EFNA5: variants seen among roughly 807,000 people sequenced by gnomAD.
The protein encoded by EFNA5 is ephrin-A5.
A neutral mutation model predicts 22.9 loss-of-function variants in EFNA5; 5 were observed. That is an observed-to-expected ratio of 0.22 (90% CI 0.11 to 0.46). The LOEUF is 0.46. Ranked by LOEUF, EFNA5 falls within the 20% of genes least tolerant of loss-of-function variation. The probability of loss-of-function intolerance (pLI) is 0.99; values close to 1 mark genes in which losing one functional copy is unlikely to be tolerated. For missense variants in EFNA5, 237 were observed against 293.3 expected (o/e 0.81, Z 1.40); for synonymous variants, 113 against 112.2 (o/e 1.01, Z -0.04).
At chr5:107,468,068 G>A (rs1561399398) in intron 1 of EFNA5, among the ~76,000 whole-genome samples, 1 of 152,118 alleles carries the variant, frequency 6.6e-6, no homozygotes, top group Non-Finnish European at 1.5e-5. Context: ...CATCTTGGTA[G>A]AACGGATAGC....
At position 107,489,129 on chromosome 5, in the gene EFNA5, C is replaced by A. The variant is rs1746728643; in HGVS notation, c.126-61620G>T. Among the ~76,000 whole-genome samples the A allele has an allele frequency of 2.0e-5, 3 of 152,136 alleles. No individual in the cohort carries two copies. In the South Asian group the frequency reaches 6.2e-4, roughly 32 times the overall value. On this transcript the variant is annotated intron_variant, in intron 1 of 4. Transcript: ENST00000333274. Reference sequence around the variant, plus strand: ...AATAAGTTAACTATTACCATCATTACAATATTTCATTTAATCTATTGCAAA... The same window carrying A: ...AATAAGTTAACTATTACCATCATTAAAATATTTCATTTAATCTATTGCAAA...
intron 2 of EFNA5, among the ~76,000 whole-genome samples, chr5:107,406,587 T>A (rs966369673): frequency 4.6e-5 from 7 of 151,884 alleles, no homozygotes; most frequent in Admixed American, 2.0e-4. Context: ...TAAGTATGTT[T>A]TATATATATA....
intron 2 of EFNA5, among the ~76,000 whole-genome samples, chr5:107,398,823 C>A (rs1344029556): frequency 6.9e-6 from 1 of 145,694 alleles, no homozygotes; most frequent in Admixed American, 7.0e-5. Context: ...CCACTGCACT[C>A]CAGCCTGGGT....
chr5:107,480,851 G>A (rs2112398712), intron 1 of EFNA5, among the ~76,000 whole-genome samples: 1 of 152,308 alleles, frequency 6.6e-6, no homozygotes, highest in East Asian at 1.9e-4. Context: ...GTCTCAAAGG[G>A]TGGGTGACTG....
intron 1 of EFNA5, among the ~76,000 whole-genome samples, chr5:107,501,785 C>T (rs377071864): frequency 3.3e-5 from 5 of 151,976 alleles, no homozygotes; most frequent in Admixed American, 6.6e-5. Context: ...TGATTTTGTA[C>T]GTGAAAAGAT....
At chr5:107,494,405 G>C (rs1185633762) in intron 1 of EFNA5, among the ~76,000 whole-genome samples, 2 of 152,244 alleles carry the variant, frequency 1.3e-5, no homozygotes, top group African/African-American at 4.8e-5. Flanking sequence ...GCTGCGGAGG[G>C]TGTACTGGGT....
At chr5:107,589,716 G>C (rs1305011916) in intron 1 of EFNA5, among the ~76,000 whole-genome samples, 5 of 152,128 alleles carry the variant, frequency 3.3e-5, no homozygotes, top group African/African-American at 1.2e-4. Flanking sequence ...GCCAGAGACA[G>C]CATCCTTTAA....
chr5:107,522,880 T>C (rs1747625144), intron 1 of EFNA5, among the ~76,000 whole-genome samples: 1 of 152,234 alleles, frequency 6.6e-6, no homozygotes, highest in African/African-American at 2.4e-5. Flanking sequence ...GTTACTTGAA[T>C]AAAGGCTGTC....
At chr5:107,609,288 A>T (rs1749781196) in intron 1 of EFNA5, among the ~76,000 whole-genome samples, 1 of 152,212 alleles carries the variant, frequency 6.6e-6, no homozygotes, top group Non-Finnish European at 1.5e-5. Context: ...AAACAAAAGC[A>T]ATGAGAATTT....
rs948397308 is a variant in EFNA5 at position 107,383,004 on chromosome 5, G to A, written c.566-1628C>T. On this transcript the variant is annotated intron_variant, in intron 4 of 4. Coordinates refer to ENST00000333274, the MANE Select transcript of EFNA5 (RefSeq NM_001962.3). ...TCCTTCACTGGGTAGAATCACACTC[G>A]CTAATATTTGTCCTAAAGTAACCAC... Among the ~76,000 whole-genome samples the A allele has an allele frequency of 6.6e-5, 10 of 152,226 alleles. No homozygotes were observed. In the South Asian group the frequency reaches 1.0e-3, roughly 16 times the overall value.
intron 1 of EFNA5, among the ~76,000 whole-genome samples, chr5:107,604,640 A>T (rs1749674543): frequency 6.6e-6 from 1 of 152,206 alleles, no homozygotes; most frequent in Non-Finnish European, 1.5e-5. Context: ...TCATAATGCA[A>T]GTTGCAACCC....
chr5:107,421,032 A>G (rs1435677155), intron 2 of EFNA5, among the ~76,000 whole-genome samples: 1 of 152,198 alleles, frequency 6.6e-6, no homozygotes, highest in East Asian at 1.9e-4. Context: ...ATATTCTTAT[A>G]CTTTTAAAAG....
chr5:107,650,468 G>T (rs1008291125), intron 1 of EFNA5, among the ~76,000 whole-genome samples: 1 of 152,160 alleles, frequency 6.6e-6, no homozygotes, highest in African/African-American at 2.4e-5. Context: ...AAACTAAGAT[G>T]AAAGTGAGGG....
intron 1 of EFNA5, among the ~76,000 whole-genome samples, chr5:107,585,434 C>G (rs904931552): frequency 2.0e-5 from 3 of 152,164 alleles, no homozygotes; most frequent in East Asian, 1.9e-4. Flanking sequence ...GTTTGGGGAT[C>G]TGGAAAGATA....
chr5:107,570,908 T>A (rs568761788), intron 1 of EFNA5, among the ~76,000 whole-genome samples: 5 of 152,232 alleles, frequency 3.3e-5, no homozygotes, highest in Non-Finnish European at 7.3e-5. Flanking sequence ...AATGGGCTTC[T>A]GCTAAAAACA....
chr5:107,575,070 C>T (rs1748899350), intron 1 of EFNA5, among the ~76,000 whole-genome samples: 1 of 152,158 alleles, frequency 6.6e-6, no homozygotes, highest in South Asian at 2.1e-4. Context: ...GCACGATACT[C>T]GTTCTTTCAC....
chr5:107,608,462 A>T (rs17160244), intron 1 of EFNA5, among the ~76,000 whole-genome samples: 2 of 152,224 alleles, frequency 1.3e-5, no homozygotes, highest in African/African-American at 4.8e-5. Flanking sequence ...TTGTTCATGC[A>T]GACACTTTCA....
chr5:107,397,966 G>A (rs543675349), intron 2 of EFNA5, among the ~76,000 whole-genome samples: 8 of 152,246 alleles, frequency 5.3e-5, no homozygotes, highest in Non-Finnish European at 1.0e-4. Flanking sequence ...ATTCCCATTC[G>A]TCATACCACA....
intron 2 of EFNA5, among the ~76,000 whole-genome samples, chr5:107,406,125 T>C (rs557336947): frequency 6.9e-5 from 10 of 143,894 alleles, no homozygotes; most frequent in African/African-American, 2.0e-4. Flanking sequence ...TTTATATACA[T>C]AGAATGTATA....
Sources: allele counts gnomAD v4.1 joint callset (sites outside exome capture counted in the v4.1 genomes callset), GRCh38; gene constraint gnomAD v4.1.1; transcripts MANE v1.5; gene names NCBI Gene and HGNC (gene_info 2026-07-23, HGNC 2026-07-21).